Variants in UGGT2 observed in about 807,000 individuals in gnomAD.
UGGT2 encodes UDP-glucose:glycoprotein glucosyltransferase 2.
In UGGT2, 180 loss-of-function variants were observed where a neutral mutation model predicts 192.1. The observed-to-expected ratio is 0.94, with a 90% confidence interval of 0.83 to 1.06. The LOEUF (loss-of-function observed/expected upper bound fraction) is 1.06, where lower values mean the gene tolerates loss of function less well. UGGT2 is among the 50% of genes least tolerant of loss of function. The pLI is 0.00. For missense variants in UGGT2, 1,849 were observed against 1,795.7 expected (o/e 1.03, Z -0.54); for synonymous variants, 580 against 591.0 (o/e 0.98, Z 0.27).
intron 36 of UGGT2, among the ~76,000 whole-genome samples, chr13:95,847,844 T>C (rs948880802): frequency 7.9e-5 from 12 of 152,234 alleles, no homozygotes; most frequent in Non-Finnish European, 1.2e-4. Context: ...CTAAATTGTA[T>C]GGTAAGAGTT....
chr13:96,030,344 C>T (rs374709406), intron 2 of UGGT2, among the ~76,000 whole-genome samples: 8 of 152,310 alleles, frequency 5.3e-5, no homozygotes, highest in African/African-American at 1.9e-4. Flanking sequence ...TCACAAAGTC[C>T]TGTGGATGTA....
intron 12 of UGGT2, among the ~76,000 whole-genome samples, chr13:95,967,471 TTTTTG>T (rs1292545826): frequency 1.8e-4 from 11 of 59,958 alleles, no homozygotes; most frequent in African/African-American, 5.5e-4. Context: ...ACCCCCAACT[TTTTTG>T]TTTTTTTTTT....
At chr13:96,018,501 G>A (rs1263735798) in intron 4 of UGGT2, among the ~76,000 whole-genome samples, 2 of 152,254 alleles carry the variant, frequency 1.3e-5, no homozygotes, top group East Asian at 3.9e-4. Context: ...GGGCACTAGA[G>A]TGAGACCTTG....
At chr13:95,970,850 G>A (rs933765433) in intron 11 of UGGT2, among the ~76,000 whole-genome samples, 9 of 152,118 alleles carry the variant, frequency 5.9e-5, no homozygotes, top group South Asian at 2.1e-4. Context: ...TGGCTGAGGC[G>A]ACTATTCAGA....
chr13:95,903,471 C>A (rs1594277975), intron 20 of UGGT2, among the ~76,000 whole-genome samples: 1 of 152,264 alleles, frequency 6.6e-6, no homozygotes, highest in Admixed American at 6.5e-5. Context: ...CTAAAGACAA[C>A]CACTCTCTTG....
rs780744479 is a variant in UGGT2 at position 95,949,475 on chromosome 13, T to C, written c.1336-21A>G. 3 of 1,438,262 alleles carry C rather than the reference T, an allele frequency of 2.1e-6. 1 individual carries two copies. The South Asian group carries it at 5.0e-5, about 24-fold the overall frequency. 89.1% of individuals were successfully genotyped at this position (1,438,262 alleles called of 1,614,324 possible). A position where few individuals can be genotyped will look rare whatever the true frequency, so the allele number is the denominator to read the frequency against. On this transcript the variant is annotated intron_variant, in intron 12 of 38. Coordinates refer to ENST00000376747, the MANE Select transcript of UGGT2 (RefSeq NM_020121.4). ...ATCCACTAGAAAAGAACGCAGACACTTGTGAAAGCTATATTAACACTGAAA... is the reference window on the plus strand; with the variant it reads ...ATCCACTAGAAAAGAACGCAGACACCTGTGAAAGCTATATTAACACTGAAA...
At chr13:95,977,677 C>A (rs1010207505) in intron 10 of UGGT2, among the ~76,000 whole-genome samples, 3 of 152,194 alleles carry the variant, frequency 2.0e-5, no homozygotes, top group African/African-American at 7.2e-5. Flanking sequence ...TTTGACCCAG[C>A]AGTCCCATTA....
rs534286929 is a variant in UGGT2, at chr13:95,827,530, T to A, written c.4528+5397A>T. Among the ~76,000 whole-genome samples the A allele has an allele frequency of 1.0e-3, 154 of 152,308 alleles. 1 individual carries two copies. Among genetic ancestry groups the A allele is most frequent in the Middle Eastern group, 3.4e-3 (1 of 294 alleles). ...GGTATCAACCCTGTGGACACCTTCATCTTGGACTTTCAGCTTCCAGAACTG... is the reference window on the plus strand; with the variant it reads ...GGTATCAACCCTGTGGACACCTTCAACTTGGACTTTCAGCTTCCAGAACTG... On this transcript the variant is annotated intron_variant, in intron 38 of 38. Coordinates refer to ENST00000376747, the MANE Select transcript of UGGT2 (RefSeq NM_020121.4).
At chr13:95,940,152 T>TC in intron 15 of UGGT2, 61 bp from the exon 16 acceptor site, 1 of 1,273,288 alleles carries the variant, frequency 7.9e-7, no homozygotes, top group Non-Finnish European at 1.1e-6. Context: ...TTCTTTTTTT[T>TC]CCTTAGCATG....
intron 2 of UGGT2, among the ~76,000 whole-genome samples, chr13:96,031,119 A>G (rs2052820568): frequency 6.6e-6 from 1 of 152,226 alleles, no homozygotes; most frequent in South Asian, 2.1e-4. Context: ...AGGGATGTTG[A>G]TAACAGGGGA....
intron 3 of UGGT2, among the ~76,000 whole-genome samples, 188 bp from the exon 4 acceptor site, chr13:96,023,340 A>G (rs2052569032): frequency 6.6e-6 from 1 of 152,268 alleles, no homozygotes; most frequent in South Asian, 2.1e-4. Context: ...ACTTTATCCT[A>G]GGAAAGACAT....
At chr13:96,050,224 T>C (rs1184145883) in intron 1 of UGGT2, among the ~76,000 whole-genome samples, 2 of 152,112 alleles carry the variant, frequency 1.3e-5, no homozygotes, top group Non-Finnish European at 2.9e-5. Context: ...AAACAAGAAA[T>C]GGGGAAAGGA....
intron 5 of UGGT2, among the ~76,000 whole-genome samples, chr13:96,008,193 A>G (rs193280567): frequency 3.6e-4 from 55 of 152,318 alleles, no homozygotes; most frequent in South Asian, 2.5e-3. Flanking sequence ...AGTGGAGTTA[A>G]CATCAAGCTA....
At position 95,835,587 on chromosome 13, in the gene UGGT2, T is replaced by C. The variant is rs1467719999; in HGVS notation, c.4401+1499A>G. 2.0e-5 allele frequency among the ~76,000 whole-genome samples: 3 copies of C among 152,242 alleles called. No homozygotes were observed. The East Asian group carries it at 5.8e-4, about 29-fold the overall frequency. The stretch of plus-strand genomic sequence containing the variant: ...TTTTTAAAATATGTATTTCTATACA[T>C]GTCTGAAAAAGTTCCTATATTTTGT... On this transcript the variant is annotated intron_variant, in intron 37 of 38. Coordinates refer to ENST00000376747, the MANE Select transcript of UGGT2 (RefSeq NM_020121.4).
intron 38 of UGGT2, among the ~76,000 whole-genome samples, chr13:95,824,857 A>G (rs1885859455): frequency 1.3e-5 from 2 of 152,100 alleles, no homozygotes; most frequent in African/African-American, 2.4e-5. Flanking sequence ...CTGTTTTGTC[A>G]TATTACCAGA....
chr13:95,925,798 C>G (rs763691513), intron 19 of UGGT2, 24 bp from the exon 20 acceptor site: 2 of 1,475,064 alleles, frequency 1.4e-6, no homozygotes, highest in Admixed American at 2.1e-5. Flanking sequence ...ACAGTTTACT[C>G]AAATTAACTT....
rs745310696 is a variant in UGGT2 at position 96,053,317 on chromosome 13, C to T, written c.-5G>A. The stretch of plus-strand genomic sequence containing the variant: ...CGTGGCTTTCGCTGGCGCCATGGCA[C>T]GGAGAGAAAAGCGCGAGTCCCTCGG... On this transcript the variant is annotated 5_prime_UTR_variant, in exon 1 of 39. It adds an upstream start codon to the 5' untranslated region. Coordinates refer to ENST00000376747, the MANE Select transcript of UGGT2 (RefSeq NM_020121.4). 12 of 1,580,794 alleles carry T rather than the reference C, an allele frequency of 7.6e-6. No individual in the cohort carries two copies. Among genetic ancestry groups the T allele is most frequent in the Non-Finnish European group, 1.0e-5 (12 of 1,172,822 alleles).
intron 30 of UGGT2, among the ~76,000 whole-genome samples, chr13:95,865,361 G>GCGGC (rs1355924800): frequency 6.6e-6 from 1 of 152,038 alleles, no homozygotes; most frequent in Non-Finnish European, 1.5e-5. Context: ...CAAACTGAAG[G>GCGGC]CGGCCGAGCA....
At position 96,005,244 on chromosome 13, in the gene UGGT2, T is replaced by C. The variant is rs74790099; in HGVS notation, c.661-5937A>G. ...AAGGCACCTGTGGGAAGGTGAACAT[T>C]TGAATACCCAGGACAGATACCACCA... On this transcript the variant is annotated intron_variant, in intron 5 of 38. Transcript: ENST00000376747. Among the ~76,000 whole-genome samples, 1,135 of 152,206 alleles carry C rather than the reference T, an allele frequency of 7.5e-3. 7 individuals carry two copies. Among genetic ancestry groups the C allele is most frequent in the Non-Finnish European group, 0.013 (884 of 67,998 alleles).
Sources: allele counts gnomAD v4.1 joint callset (sites outside exome capture counted in the v4.1 genomes callset), GRCh38; gene constraint gnomAD v4.1.1; transcripts MANE v1.5; gene names NCBI Gene and HGNC (gene_info 2026-07-23, HGNC 2026-07-21).